Variants in ADAM12 observed in about 807,000 individuals in gnomAD.
ADAM12 encodes disintegrin and metalloproteinase domain-containing protein 12.
In ADAM12, 70 loss-of-function variants were observed where a neutral mutation model predicts 106.4. The observed-to-expected ratio is 0.66, with a 90% CI of 0.54 to 0.80. The LOEUF (loss-of-function observed/expected upper bound fraction) is 0.80. Among genes scored for constraint, ADAM12 ranks in the 30% least tolerant of loss-of-function variants. The pLI is 0.00. For missense variants in ADAM12, 1,010 were observed against 1,171.9 expected (o/e 0.86, Z 2.02); for synonymous variants, 420 against 433.5 (o/e 0.97, Z 0.39).
intron 11 of ADAM12, among the ~76,000 whole-genome samples, chr10:126,085,279 G>A (rs1358127870): frequency 6.6e-6 from 1 of 152,010 alleles, no homozygotes; most frequent in Non-Finnish European, 1.5e-5. Flanking sequence ...GCAAACTATT[G>A]TAAATCCATT....
At chr10:126,251,631 T>TAGA (rs1958759514) in intron 3 of ADAM12, among the ~76,000 whole-genome samples, 2 of 16,492 alleles carry the variant, frequency 1.2e-4, no homozygotes, top group African/African-American at 3.7e-4. Context: ...GATGAATGGA[T>TAGA]GGGATGATGG....
rs145833058 is a variant in ADAM12, at chr10:126,114,262, CTGAA to C, written c.603+3772_603+3775del. Among the ~76,000 whole-genome samples, 175 of 152,238 alleles carry C rather than the reference CTGAA, an allele frequency of 1.1e-3. 5 individuals are homozygous for C. The East Asian group carries it at 0.031, about 27-fold the overall frequency. On this transcript the variant is annotated intron_variant, in intron 6 of 22. Transcript: ENST00000448723. ...AGGAGAACAGGCTGAATCCGGCAAA[CTGAA>C]TGTTAATAGGGAGAAATGTGAAGTA...
intron 2 of ADAM12, among the ~76,000 whole-genome samples, chr10:126,327,777 G>A (rs1854356127): frequency 6.6e-6 from 1 of 152,168 alleles, no homozygotes; most frequent in African/African-American, 2.4e-5. Flanking sequence ...TATAAAATCA[G>A]AATATTTACC....
chr10:126,373,663 A>T (rs1856188372), intron 1 of ADAM12, among the ~76,000 whole-genome samples: 2 of 152,254 alleles, frequency 1.3e-5, no homozygotes, highest in African/African-American at 4.8e-5. Context: ...CCAAAGAATC[A>T]TTATCAGAGA....
intron 2 of ADAM12, among the ~76,000 whole-genome samples, chr10:126,285,080 AGC>A (rs1220185543): frequency 4.6e-5 from 7 of 152,152 alleles, no homozygotes; most frequent in African/African-American, 1.7e-4. Flanking sequence ...AGGTAAGAGG[AGC>A]CGGTAGGTGC....
At chr10:126,145,782 C>T (rs1176006774) in intron 4 of ADAM12, among the ~76,000 whole-genome samples, 1 of 152,220 alleles carries the variant, frequency 6.6e-6, no homozygotes. Context: ...TTGATATTTA[C>T]TCAATGTTAG....
chr10:126,150,549 TC>T (rs1343763198), intron 4 of ADAM12, among the ~76,000 whole-genome samples: 1 of 151,926 alleles, frequency 6.6e-6, no homozygotes, highest in Non-Finnish European at 1.5e-5. Flanking sequence ...GAAGGGAAAG[TC>T]CCACTGATGA....
intron 14 of ADAM12, among the ~76,000 whole-genome samples, chr10:126,062,395 A>G (rs888508874): frequency 9.2e-5 from 14 of 152,124 alleles, no homozygotes; most frequent in African/African-American, 3.1e-4. Flanking sequence ...CTCCTTAGGA[A>G]GAGGACGTGG....
chr10:126,055,751 G>C (rs887045559), intron 14 of ADAM12, among the ~76,000 whole-genome samples: 5 of 152,166 alleles, frequency 3.3e-5, no homozygotes, highest in African/African-American at 1.2e-4. Context: ...TAATCCAGCT[G>C]CTCATGGAGT....
chr10:126,105,122 C>A (rs1264496966), intron 8 of ADAM12, among the ~76,000 whole-genome samples: 4 of 152,150 alleles, frequency 2.6e-5, no homozygotes, highest in Non-Finnish European at 4.4e-5. Context: ...GCCAGAAACA[C>A]AAGGACAGCC....
intron 3 of ADAM12, among the ~76,000 whole-genome samples, chr10:126,269,401 C>T (rs1269538304): frequency 6.6e-6 from 1 of 152,178 alleles, no homozygotes; most frequent in Non-Finnish European, 1.5e-5. Flanking sequence ...TCTAACAAAA[C>T]TTTCAAGCTT....
chr10:126,335,466 AT>A (rs760824492), intron 1 of ADAM12, among the ~76,000 whole-genome samples: 1 of 152,138 alleles, frequency 6.6e-6, no homozygotes, highest in African/African-American at 2.4e-5. Context: ...TGATGAAGCA[AT>A]TTTTTTAGCC....
At chr10:126,347,044 T>A (rs1341880193) in intron 1 of ADAM12, among the ~76,000 whole-genome samples, 1 of 152,212 alleles carries the variant, frequency 6.6e-6, no homozygotes, top group Non-Finnish European at 1.5e-5. Flanking sequence ...TATTGTTATG[T>A]GTGAATTTGA....
chr10:126,163,199 A>C (rs574898700), intron 3 of ADAM12, among the ~76,000 whole-genome samples: 1 of 152,172 alleles, frequency 6.6e-6, no homozygotes, highest in Non-Finnish European at 1.5e-5. Context: ...TAAATTACCA[A>C]GTCTCAGGTA....
At chr10:126,055,927 C>T (rs1217739152) in intron 14 of ADAM12, among the ~76,000 whole-genome samples, 1 of 152,214 alleles carries the variant, frequency 6.6e-6, no homozygotes, top group Non-Finnish European at 1.5e-5. Flanking sequence ...ACAATGGAGG[C>T]AGGCAGCAGA....
chr10:126,135,275 C>T (rs1956384148), intron 5 of ADAM12: 3 of 338,092 alleles, frequency 8.9e-6, no homozygotes, highest in Non-Finnish European at 1.6e-5. Flanking sequence ...AGCATCAGAG[C>T]CACATAAATG....
At chr10:126,255,620 T>C (rs1310437584) in intron 3 of ADAM12, among the ~76,000 whole-genome samples, 1 of 152,250 alleles carries the variant, frequency 6.6e-6, no homozygotes, top group Non-Finnish European at 1.5e-5. Context: ...CCTCGCTTTA[T>C]ACTAATATCA....
intron 3 of ADAM12, among the ~76,000 whole-genome samples, chr10:126,269,307 A>C (rs553716462): frequency 3.9e-5 from 6 of 152,264 alleles, no homozygotes; most frequent in African/African-American, 1.4e-4. Flanking sequence ...GAATGCCTTA[A>C]CTGTCTAGGA....
At chr10:126,159,385 T>C (rs1188101422) in intron 3 of ADAM12, among the ~76,000 whole-genome samples, 2 of 151,186 alleles carry the variant, frequency 1.3e-5, no homozygotes, top group Non-Finnish European at 2.9e-5. Flanking sequence ...AAGAATTTAA[T>C]GTAGATTAAG....
Sources: allele counts gnomAD v4.1 joint callset (sites outside exome capture counted in the v4.1 genomes callset), GRCh38; gene constraint gnomAD v4.1.1; transcripts MANE v1.5; gene names NCBI Gene and HGNC (gene_info 2026-07-23, HGNC 2026-07-21).